Variants in RAPGEF6 observed in about 807,000 individuals in gnomAD.
RAPGEF6 encodes PDZ domain containing guanine nucleotide exchange factor (GEF) 2.
RAPGEF6 carries 56 observed loss-of-function variants against 171.4 expected under a neutral mutation model. The ratio of observed to expected loss-of-function variants is 0.33; its 90% confidence interval spans 0.26 to 0.41. The LOEUF (loss-of-function observed/expected upper bound fraction) is 0.41. RAPGEF6 is among the 10% of genes least tolerant of loss of function. The pLI is 1.00. For missense variants in RAPGEF6, 1,674 were observed against 1,921.4 expected (o/e 0.87, Z 2.41); for synonymous variants, 692 against 650.1 (o/e 1.06, Z -0.98).
At chr5:131,574,199 C>G (rs1039885965) in intron 4 of RAPGEF6, among the ~76,000 whole-genome samples, 1 of 152,330 alleles carries the variant, frequency 6.6e-6, no homozygotes, top group African/African-American at 2.4e-5. Context: ...TCCTTCTAAG[C>G]TGTGCCCTAT....
At chr5:131,441,877 T>G (rs183876371) in intron 23 of RAPGEF6, among the ~76,000 whole-genome samples, 1 of 152,142 alleles carries the variant, frequency 6.6e-6, no homozygotes, top group Non-Finnish European at 1.5e-5. Context: ...GAATAATGAC[T>G]ATATGGCCTA....
chr5:131,435,861 G>A, intron 24 of RAPGEF6: 2 of 1,437,892 alleles, frequency 1.4e-6, no homozygotes, highest in Non-Finnish European at 1.8e-6. Context: ...TAAGTTGTCT[G>A]CCTAAGCTTT....
At chr5:131,458,801 G>A (rs1401998282) in intron 19 of RAPGEF6, among the ~76,000 whole-genome samples, 1 of 152,050 alleles carries the variant, frequency 6.6e-6, no homozygotes, top group Non-Finnish European at 1.5e-5. Flanking sequence ...TTACAAGCAT[G>A]TGCCACCATA....
intron 17 of RAPGEF6, among the ~76,000 whole-genome samples, chr5:131,470,249 T>C (rs1286358133): frequency 6.6e-6 from 1 of 152,252 alleles, no homozygotes; most frequent in Non-Finnish European, 1.5e-5. Flanking sequence ...AGATGTTCTC[T>C]GAACAGATTT....
chr5:131,527,910 G>A (rs1430687667), intron 6 of RAPGEF6, among the ~76,000 whole-genome samples: 2 of 150,712 alleles, frequency 1.3e-5, no homozygotes, highest in South Asian at 4.2e-4. Flanking sequence ...AGCTACTCGG[G>A]AGGCTGAGGC....
rs188026817 is a variant in RAPGEF6 at position 131,483,283 on chromosome 5, A to G, written c.1841-3530T>C. Among the ~76,000 whole-genome samples the G allele has an allele frequency of 1.9e-3, 273 of 147,022 alleles. 1 individual carries two copies. The highest frequency in any genetic ancestry group is 6.7e-3 in the African/African-American group (264 of 39,636). ...AGAATCGCTTGAACCTGGGAGGCGG[A>G]GGTTGCAGTGAGCCGAGATCGAGCC... is the stretch of plus-strand genomic sequence containing the variant. On this transcript the variant is annotated intron_variant, in intron 15 of 27. Transcript: ENST00000509018.
Position 131,593,735 on chromosome 5 carries a change from T to C in RAPGEF6, c.198-1269A>G, listed in dbSNP as rs542660899. 2.0e-4 allele frequency among the ~76,000 whole-genome samples: 31 copies of C among 152,334 alleles called. No individual in the cohort carries two copies. In the South Asian group the frequency reaches 6.2e-3, roughly 31 times the overall value. ...ATTTTGCCCCTGCCCTACAGATCTA[T>C]GGAACTTAGAACTTGAGACATGATT... On this transcript the variant is annotated intron_variant, in intron 3 of 27. Coordinates refer to ENST00000509018, the MANE Select transcript of RAPGEF6 (RefSeq NM_016340.6).
chr5:131,623,563 G>A (rs564285175), intron 1 of RAPGEF6, among the ~76,000 whole-genome samples: 6 of 137,560 alleles, frequency 4.4e-5, no homozygotes, highest in Admixed American at 8.1e-5. Flanking sequence ...TTGGCTCACC[G>A]CAACCTCCGC....
At chr5:131,598,812 T>G (rs575845845) in intron 3 of RAPGEF6, among the ~76,000 whole-genome samples, 2 of 152,370 alleles carry the variant, frequency 1.3e-5, no homozygotes, top group African/African-American at 4.8e-5. Flanking sequence ...AATTGATTTA[T>G]GGATTTAATG....
At chr5:131,483,442 G>A (rs1755635969) in intron 15 of RAPGEF6, among the ~76,000 whole-genome samples, 1 of 150,300 alleles carries the variant, frequency 6.7e-6, no homozygotes, top group African/African-American at 2.5e-5. Context: ...TTTTAAAGAA[G>A]AGAAATGATT....
chr5:131,600,832 G>A (rs1229592737), intron 3 of RAPGEF6, among the ~76,000 whole-genome samples: 3 of 151,940 alleles, frequency 2.0e-5, no homozygotes, highest in Non-Finnish European at 4.4e-5. Context: ...TTTTGGAGGA[G>A]AAACAAAGAA....
chr5:131,487,543 T>C (rs998286629), intron 15 of RAPGEF6, among the ~76,000 whole-genome samples: 1 of 152,176 alleles, frequency 6.6e-6, no homozygotes, highest in Non-Finnish European at 1.5e-5. Flanking sequence ...AGAGTGCTGA[T>C]TGTGCATTTA....
At chr5:131,450,173 T>C (rs1752971507) in intron 21 of RAPGEF6, 4 of 1,039,162 alleles carry the variant, frequency 3.8e-6, no homozygotes, top group Non-Finnish European at 2.8e-6. Context: ...CAGGAAAAAA[T>C]TACAGCTTAA....
At chr5:131,454,211 G>C (rs1375715802) in intron 20 of RAPGEF6, among the ~76,000 whole-genome samples, 2 of 152,158 alleles carry the variant, frequency 1.3e-5, no homozygotes, top group Admixed American at 6.5e-5. Flanking sequence ...AGGATAAACT[G>C]AATGTAGACT....
chr5:131,555,786 G>A (rs1000982973), intron 5 of RAPGEF6, among the ~76,000 whole-genome samples: 2 of 151,920 alleles, frequency 1.3e-5, no homozygotes, highest in Admixed American at 1.3e-4. Context: ...TACATATAAC[G>A]TGCGTCTATA....
intron 3 of RAPGEF6, among the ~76,000 whole-genome samples, chr5:131,599,011 A>G (rs1764068178): frequency 6.6e-6 from 1 of 152,228 alleles, no homozygotes; most frequent in African/African-American, 2.4e-5. Flanking sequence ...GCTATCAGAT[A>G]TCAAAACACA....
chr5:131,603,353 TTA>T (rs762807398), intron 2 of RAPGEF6, 26 bp from the exon 3 acceptor site: 1 of 1,398,858 alleles, frequency 7.1e-7, no homozygotes, highest in Non-Finnish European at 9.8e-7. Flanking sequence ...ATTGAAGATT[TTA>T]TCTTACATTT....
chr5:131,632,066 A>C, intron 1 of RAPGEF6, among the ~76,000 whole-genome samples: 1 of 127,432 alleles, frequency 7.8e-6, no homozygotes, highest in South Asian at 2.4e-4. Context: ...ACAGAGCAAG[A>C]CTCTGTCTCA....
intron 19 of RAPGEF6, among the ~76,000 whole-genome samples, chr5:131,460,570 T>C (rs1174802691): frequency 2.6e-5 from 4 of 152,202 alleles, no homozygotes; most frequent in Non-Finnish European, 5.9e-5. Flanking sequence ...TATTCCTCTG[T>C]TTTAGACTTA....
Sources: allele counts gnomAD v4.1 joint callset (sites outside exome capture counted in the v4.1 genomes callset), GRCh38; gene constraint gnomAD v4.1.1; transcripts MANE v1.5; gene names NCBI Gene and HGNC (gene_info 2026-07-23, HGNC 2026-07-21).